Variants in SCARF1 observed in about 807,000 individuals in gnomAD.
SCARF1 encodes scavenger receptor class F member 1, also known as acetyl LDL receptor.
Under a neutral mutation model 76.3 loss-of-function variants are expected in SCARF1, and 49 were observed. The ratio of observed to expected loss-of-function variants is 0.64; its 90% CI spans 0.51 to 0.81. The LOEUF is 0.81. Among genes scored for constraint, SCARF1 ranks in the 40% least tolerant of loss-of-function variants. SCARF1 has a pLI of 0.00. For synonymous variants in SCARF1, 495 were observed against 474.6 expected (o/e 1.04, Z -0.56); for missense variants, 1,098 against 1,143.9 (o/e 0.96, Z 0.58).
chr17:1,639,698 G>C lies in SCARF1; in HGVS notation c.1184C>G (p.Ser395Ter). 6.3e-7 allele frequency: 1 copy of C among 1,592,510 alleles called. No individual in the cohort carries two copies. Among genetic ancestry groups the C allele is most frequent in the Non-Finnish European group, 8.5e-7 (1 of 1,170,138 alleles). Residue 395 changes from serine to a stop codon, truncating the protein, a stop_gained, in exon 7 of 11, where the codon TCA (serine) becomes TGA (stop). Transcript: ENST00000263071. LOFTEE classifies it high-confidence loss of function. ...TCCCTCTGGGCATTCACAAGGAACTGAGCAGTTGTTTCCATGGAAACCGGC... is the reference window on the plus strand; with the variant it reads ...TCCCTCTGGGCATTCACAAGGAACTCAGCAGTTGTTTCCATGGAAACCGGC... ...CPAGFHGNNC[S>*]VPCECPEGLC...
At position 1,638,844 on chromosome 17, in the gene SCARF1, G is replaced by A. The variant is rs1436555776; in HGVS notation, c.1326C>T (p.Ala442=). The A allele has an allele frequency of 8.7e-6, 14 of 1,610,704 alleles. No homozygotes were observed. Among genetic ancestry groups the A allele is most frequent in the Non-Finnish European group, 1.2e-5 (14 of 1,178,252 alleles). ...LLLFLGLACC[A]CCCWAPRSDL... ...CTGATCGGGGGGCCCAGCAGCAGCA[G>A]GCACAGCAGGCAAGGCCCAGGAAGA... is the stretch of plus-strand genomic sequence containing the variant. Residue 442 remains alanine (A), a synonymous_variant, in exon 8 of 11, where the codon GCC becomes GCT. Transcript: ENST00000263071.
At position 1,636,824 on chromosome 17, in the gene SCARF1, G is replaced by A; in HGVS notation, c.1518C>T (p.Asn506=). 3 of 1,614,006 alleles carry A rather than the reference G, an allele frequency of 1.9e-6. No individual in the cohort carries two copies. The highest frequency in any genetic ancestry group is 2.2e-5 in the East Asian group (1 of 44,858). ...CAGAGGGCGGCTCGATGAAGCTGTG[G>A]TTGAAGGGGACCTCCGGGTCGTGAT... ...VSHHDPEVPF[N]HSFIEPPSAG... is the part of the protein sequence containing the mutation. The change falls in exon 10 of 11, where the codon AAC becomes AAT. Residue 506 remains asparagine (N), a synonymous_variant. Transcript: ENST00000263071.
chr17:1,639,021 T>C, intron 7 of SCARF1, 95 bp from the exon 8 acceptor site: 1 of 1,316,358 alleles, frequency 7.6e-7, no homozygotes, highest in South Asian at 1.7e-5. Context: ...AGCTTCTTCC[T>C]GGGGGTCACT....
At position 1,635,343 on chromosome 17, in the gene SCARF1, T is replaced by C; in HGVS notation, c.1908A>G (p.Thr636=). ...CGGGGGCTTCTGCTTCCTCTGGGCC[T>C]GTGGACTCTTCGGCTTCCCGGCCCT... is the stretch of plus-strand genomic sequence containing the variant. ...GPEGREAEES[T]GPEEAEAPES... The change falls in exon 11 of 11, where the codon ACA becomes ACG. Residue 636 remains threonine, a synonymous_variant. Transcript: ENST00000263071. 6.2e-7 allele frequency: 1 copy of C among 1,613,204 alleles called. No individual in the cohort carries two copies. Among genetic ancestry groups the C allele is most frequent in the Non-Finnish European group, 8.5e-7 (1 of 1,179,558 alleles).
In SCARF1 at chr17:1,640,109, C is replaced by T. The variant is rs1014891660; in HGVS notation, c.1011-69G>A. On this transcript the variant is annotated intron_variant, in intron 5 of 10. Transcript: ENST00000263071. This position sits in a 1 kb window ranked among gnomAD's most constrained non-coding sequence, Gnocchi z 4.7. ...CTGGCCCCCACTGTGGGGCCCCACC[C>T]CTCCGCCCCACGCTCCTGGACTCAA... is the stretch of plus-strand genomic sequence containing the variant. 5 of 1,563,574 alleles carry T rather than the reference C, an allele frequency of 3.2e-6. No individual in the cohort carries two copies. The highest frequency in any genetic ancestry group is 4.3e-6 in the Non-Finnish European group (5 of 1,151,946).
chr17:1,642,129 ATTT>A, intron 4 of SCARF1, among the ~76,000 whole-genome samples: 1 of 151,028 alleles, frequency 6.6e-6, no homozygotes, highest in East Asian at 1.9e-4. Flanking sequence ...CTTATTTATT[ATTT>A]TTTTTGTAAG....
In SCARF1 at chr17:1,643,655, C is replaced by T; in HGVS notation, c.578G>A (p.Arg193His). ...GCACGGGGAGCCGTGGCAGTTGCAG[C>T]GGAAGCTGCAGCGGCGCCCCCACCA... ...PGWWGRRCSF[R>H]CNCHGSPCEQ... Residue 193 changes from arginine to histidine, a missense_variant, in exon 4 of 11, where the codon CGC becomes CAC. Coordinates refer to ENST00000263071, the MANE Select transcript of SCARF1 (RefSeq NM_003693.4). The T allele has an allele frequency of 6.8e-7, 1 of 1,468,756 alleles. No individual in the cohort carries two copies. Among genetic ancestry groups the T allele is most frequent in the Non-Finnish European group, 9.0e-7 (1 of 1,117,286 alleles). The allele number at this position is 1,468,756 out of a possible 1,614,324, so 91.0% of individuals were successfully genotyped here.
Position 1,644,957 on chromosome 17 carries a change from T to A in SCARF1, c.164-22A>T. 6.2e-7 allele frequency: 1 copy of A among 1,609,464 alleles called. No individual in the cohort carries two copies. The highest frequency in any genetic ancestry group is 8.5e-7 in the Non-Finnish European group (1 of 1,178,178). ...ATGGCTGAAAGACACCCCACCCAGG[T>A]TGGAAAGACGGGAGCAGGACCAGGG... On this transcript the variant is annotated intron_variant, in intron 2 of 10. Transcript: ENST00000263071. This position sits in a 1 kb window ranked among gnomAD's most constrained non-coding sequence, Gnocchi z 4.8.
At chr17:1,636,646 A>G in intron 10 of SCARF1, 63 bp downstream of exon 10, 1 of 1,553,570 alleles carries the variant, frequency 6.4e-7, no homozygotes, top group Non-Finnish European at 8.8e-7. Flanking sequence ...TTGCTGGAGG[A>G]CTAAAGAGGG....
intron 10 of SCARF1, 62 bp from the exon 11 acceptor site, chr17:1,635,679 C>G (rs1909498972): frequency 2.0e-6 from 3 of 1,520,844 alleles, no homozygotes; most frequent in African/African-American, 1.4e-5. Flanking sequence ...GCATCCTACC[C>G]ACAGCTCAGC....
Position 1,645,079 on chromosome 17 carries a change from G to A in SCARF1, c.163+99C>T, listed in dbSNP as rs1367903498. 6.4e-7 allele frequency: 1 copy of A among 1,554,064 alleles called. No homozygotes were observed. The highest frequency in any genetic ancestry group is 2.3e-5 in the East Asian group (1 of 43,932). Reference sequence around the variant, plus strand: ...CGTCACAGGAGAAACCCTGACTCCTGGTATCAGGAGGGGCAGGCCCCATGG... The same window carrying A: ...CGTCACAGGAGAAACCCTGACTCCTAGTATCAGGAGGGGCAGGCCCCATGG... On this transcript the variant is annotated intron_variant, in intron 2 of 10. Coordinates refer to ENST00000263071, the MANE Select transcript of SCARF1 (RefSeq NM_003693.4). This position sits in a 1 kb window ranked among gnomAD's most constrained non-coding sequence, Gnocchi z 6.3.
At position 1,645,577 on chromosome 17, in the gene SCARF1, C is replaced by CA. The variant is rs1910470377; in HGVS notation, c.101+19dup. The CA allele has an allele frequency of 6.3e-7, 1 of 1,597,440 alleles. No individual in the cohort carries two copies. The highest frequency in any genetic ancestry group is 8.5e-7 in the Non-Finnish European group (1 of 1,175,772). ...AGACCCACCTGCTGGCCACACGCATCAGACTCCCACGAGACCCACCTGCTG... is the reference window on the plus strand; with the variant it reads ...AGACCCACCTGCTGGCCACACGCATCAAGACTCCCACGAGACCCACCTGCTG... On this transcript the variant is annotated intron_variant, in intron 1 of 10. Transcript: ENST00000263071. This position sits in a 1 kb window ranked among gnomAD's most constrained non-coding sequence, Gnocchi z 6.3.
chr17:1,639,529 A>C, intron 7 of SCARF1, 110 bp downstream of exon 7: 1 of 688,590 alleles, frequency 1.5e-6, no homozygotes, highest in Non-Finnish European at 2.4e-6. Flanking sequence ...AAAAAAAAAG[A>C]ATATCTCTGA....
intron 4 of SCARF1, among the ~76,000 whole-genome samples, chr17:1,641,761 G>A (rs1198454393): frequency 1.3e-5 from 2 of 152,018 alleles, no homozygotes; most frequent in Admixed American, 6.6e-5. Context: ...TCACTCTGTC[G>A]CCCAGGCTGG....
At position 1,640,663 on chromosome 17, in the gene SCARF1, A is replaced by G; in HGVS notation, c.795T>C (p.Cys265=). The part of the protein sequence containing the change: ...GSHGVQCAHS[C]GRCKHNEPCS... ...ACGGCTCATTGTGTTTGCAGCGGCC[A>G]CAGCTGGGAAGAGAAGGGCTTCGTG... is the stretch of plus-strand genomic sequence containing the variant. The change falls in exon 5 of 11, where the codon TGT becomes TGC. Residue 265 remains cysteine (C), a synonymous_variant. Coordinates refer to ENST00000263071, the MANE Select transcript of SCARF1 (RefSeq NM_003693.4). This position sits in a 1 kb window ranked among gnomAD's most constrained non-coding sequence, Gnocchi z 4.7. 6 of 1,611,338 alleles carry G rather than the reference A, an allele frequency of 3.7e-6. No homozygotes were observed. Among genetic ancestry groups the G allele is most frequent in the Non-Finnish European group, 5.1e-6 (6 of 1,179,060 alleles).
Position 1,645,356 on chromosome 17 carries a change from C to G in SCARF1, c.102-117G>C. 1 of 1,428,144 alleles carries G rather than the reference C, an allele frequency of 7.0e-7. No homozygotes were observed. The highest frequency in any genetic ancestry group is 9.5e-7 in the Non-Finnish European group (1 of 1,051,270). The allele number at this position is 1,428,144 out of a possible 1,614,324, so 88.5% of individuals were successfully genotyped here. On this transcript the variant is annotated intron_variant, in intron 1 of 10. Transcript: ENST00000263071. The surrounding 1 kb of genome is among the most constrained non-coding windows in gnomAD (Gnocchi z 6.3). ...GGCTGCCTTAGCCCCCTGGGGAGGC[C>G]TAATGGATCTTTACAGCTAGGGTCC...
intron 8 of SCARF1, among the ~76,000 whole-genome samples, chr17:1,637,788 C>T (rs1014513829): frequency 1.3e-5 from 2 of 152,104 alleles, no homozygotes; most frequent in African/African-American, 4.8e-5. Context: ...TCTCAAATGA[C>T]ACCCCCTCCA....
In SCARF1 at chr17:1,640,384, G is replaced by A. The variant is rs1002526282; in HGVS notation, c.1010+64C>T. ...TCGGGGAGGGTGGTGCTCTCGGAGA[G>A]AGCCGCTGAGCTGAGGGTCCTGGGG... is the stretch of plus-strand genomic sequence containing the variant. On this transcript the variant is annotated intron_variant, in intron 5 of 10. Coordinates refer to ENST00000263071, the MANE Select transcript of SCARF1 (RefSeq NM_003693.4). This position sits in a 1 kb window ranked among gnomAD's most constrained non-coding sequence, Gnocchi z 4.7. 1.4e-6 allele frequency: 2 copies of A among 1,414,894 alleles called. No homozygotes were observed. The highest frequency in any genetic ancestry group is 1.9e-6 in the Non-Finnish European group (2 of 1,034,012). The allele number at this position is 1,414,894 out of a possible 1,614,324, so 87.6% of individuals were successfully genotyped here.
At position 1,644,721 on chromosome 17, in the gene SCARF1, G is replaced by A. The variant is rs144972205; in HGVS notation, c.265+113C>T. On this transcript the variant is annotated intron_variant, in intron 3 of 10. Coordinates refer to ENST00000263071, the MANE Select transcript of SCARF1 (RefSeq NM_003693.4). The surrounding 1 kb of genome is among the most constrained non-coding windows in gnomAD (Gnocchi z 4.8). The stretch of plus-strand genomic sequence containing the variant: ...CGCAATTCCTCAGTGAAGCTGGGGG[G>A]GATTCTGGCCCTGCTGTCCTGAGGC... 2.8e-4 allele frequency: 273 copies of A among 968,168 alleles called. 2 individuals carry two copies. The East Asian group carries it at 4.1e-3, about 15-fold the overall frequency. The allele number at this position is 968,168 out of a possible 1,614,324, so 60.0% of individuals were successfully genotyped here.
Sources: gnomAD v4.1 joint callset for allele counts (sites outside exome capture counted in the v4.1 genomes callset) on GRCh38, gnomAD v4.1.1 for gene constraint, Gnocchi (gnomAD v3.1) non-coding constraint, MANE v1.5 for transcripts, NCBI Gene and HGNC (gene_info 2026-07-23, HGNC 2026-07-21) for gene names.